RBFOX1: variants seen among roughly 807,000 people sequenced by gnomAD.
The protein encoded by RBFOX1 is RNA binding protein fox-1 homolog 1.
Under a neutral mutation model 57.7 loss-of-function variants are expected in RBFOX1, and 8 were observed. The observed-to-expected ratio is 0.14, with a 90% CI of 0.08 to 0.25. The LOEUF is 0.25. Ranked by LOEUF, RBFOX1 falls within the 10% of genes least tolerant of loss-of-function variation. The probability of loss-of-function intolerance (pLI) is 1.00; values close to 1 mark genes in which losing one functional copy is unlikely to be tolerated. For synonymous variants in RBFOX1, 326 were observed against 222.4 expected, an observed-to-expected ratio of 1.47 and a Z score of -4.15; for missense variants, 611 against 548.5, an observed-to-expected ratio of 1.11 and a Z score of -1.14.
At chr16:6,865,822 C>G (rs2059815530) in intron 3 of RBFOX1, among the ~76,000 whole-genome samples, 2 of 152,106 alleles carry the variant, frequency 1.3e-5, no homozygotes. Flanking sequence ...GGAGAATTTT[C>G]AGGTACAATT....
chr16:7,315,468 A>T (rs978790952), intron 4 of RBFOX1, among the ~76,000 whole-genome samples: 2 of 134,302 alleles, frequency 1.5e-5, no homozygotes, highest in African/African-American at 5.3e-5. Flanking sequence ...CCCCCCCCCC[A>T]TACTGGGGGC....
At chr16:5,294,792 A>C (rs2063622054) in intron 1 of RBFOX1, among the ~76,000 whole-genome samples, 1 of 151,954 alleles carries the variant, frequency 6.6e-6, no homozygotes, top group African/African-American at 2.4e-5. Context: ...GCACTTTGGG[A>C]GGCCGAGGTA....
chr16:7,198,351 C>G (rs1235493317), intron 4 of RBFOX1, among the ~76,000 whole-genome samples: 1 of 152,124 alleles, frequency 6.6e-6, no homozygotes, highest in Non-Finnish European at 1.5e-5. Context: ...TGTTTTGAAA[C>G]TAGACAGAGG....
chr16:5,984,949 TATATA>T (rs2060251452), intron 4 of RBFOX1, among the ~76,000 whole-genome samples: 2 of 48,924 alleles, frequency 4.1e-5, no homozygotes, highest in South Asian at 1.9e-3. Flanking sequence ...AACTCCATTA[TATATA>T]TATATATATA....
At chr16:6,565,116 ACT>A (rs1426225767) in intron 2 of RBFOX1, among the ~76,000 whole-genome samples, 2 of 126,096 alleles carry the variant, frequency 1.6e-5, no homozygotes, top group African/African-American at 6.0e-5. Flanking sequence ...GGGTGGGGAG[ACT>A]CTGTCTCCAA....
chr16:5,583,768 T>G (rs557962759), intron 2 of RBFOX1, among the ~76,000 whole-genome samples: 1 of 152,322 alleles, frequency 6.6e-6, no homozygotes, highest in African/African-American at 2.4e-5. Context: ...CCCCATCTTA[T>G]AGAGGGGAAA....
At chr16:5,698,371 TAGAC>T (rs2050914818) in intron 3 of RBFOX1, among the ~76,000 whole-genome samples, 1 of 152,206 alleles carries the variant, frequency 6.6e-6, no homozygotes. Context: ...GTATATTAGA[TAGAC>T]AAGGCAACTT....
At chr16:6,468,604 C>A (rs946592351) in intron 2 of RBFOX1, among the ~76,000 whole-genome samples, 1 of 151,466 alleles carries the variant, frequency 6.6e-6, no homozygotes, top group Non-Finnish European at 1.5e-5. Context: ...TGTTAAGTAG[C>A]CCTTAAATGA....
intron 7 of RBFOX1, among the ~76,000 whole-genome samples, chr16:7,591,394 G>A (rs1001510482): frequency 4.6e-5 from 7 of 152,052 alleles, no homozygotes; most frequent in Non-Finnish European, 1.0e-4. Context: ...CTTTATTTAA[G>A]TCTTTAACAT....
intron 3 of RBFOX1, among the ~76,000 whole-genome samples, chr16:6,884,371 C>T (rs1000509012): frequency 3.3e-5 from 5 of 152,278 alleles, no homozygotes; most frequent in Admixed American, 3.3e-4. Flanking sequence ...ACAACAGTTG[C>T]TCTGCCCTCA....
chr16:7,652,005 T>G (rs1473300097), intron 11 of RBFOX1, among the ~76,000 whole-genome samples: 1 of 151,538 alleles, frequency 6.6e-6, no homozygotes, highest in Non-Finnish European at 1.5e-5. Context: ...GAGTTAGGAT[T>G]TGCATGAGAA....
intron 3 of RBFOX1, among the ~76,000 whole-genome samples, chr16:5,747,478 C>T (rs1354237402): frequency 6.6e-6 from 1 of 152,092 alleles, no homozygotes; most frequent in Non-Finnish European, 1.5e-5. Context: ...CCTTCTTGTA[C>T]CTCTGGTAGA....
rs146896762 is a variant in RBFOX1, at chr16:5,341,366, G to C, written c.219+101261G>C. Among the ~76,000 whole-genome samples, 504 of 152,278 alleles carry C rather than the reference G, an allele frequency of 3.3e-3. 1 individual carries two copies. Among genetic ancestry groups the C allele is most frequent in the Non-Finnish European group, 4.7e-3 (317 of 68,026 alleles). ...TGGTGAGAGGCAAGAGAGAAACAGGGAATCCATCTGGCCCAATTATACTAG... is the reference window on the plus strand; with the variant it reads ...TGGTGAGAGGCAAGAGAGAAACAGGCAATCCATCTGGCCCAATTATACTAG... On this transcript the variant is annotated intron_variant, in intron 1 of 2. Transcript: ENST00000585867.
At position 5,265,881 on chromosome 16, in the gene RBFOX1, C is replaced by T. The variant is rs561224621; in HGVS notation, c.219+25776C>T. Among the ~76,000 whole-genome samples, 12 of 152,176 alleles carry T rather than the reference C, an allele frequency of 7.9e-5. No individual in the cohort carries two copies. The East Asian group carries it at 1.5e-3, about 20-fold the overall frequency. ...TGGGTGGATGTCTGCATGTAAATGG[C>T]GGTGTATACCTGTGTGGGTGTGTAC... On this transcript the variant is annotated intron_variant, in intron 1 of 2. Transcript: ENST00000585867.
rs1027885075 is a variant in RBFOX1 at position 6,658,025 on chromosome 16, A to G, written c.-16+3375A>G. Among the ~76,000 whole-genome samples, 8 of 152,094 alleles carry G rather than the reference A, an allele frequency of 5.3e-5. No individual in the cohort carries two copies. The East Asian group carries it at 1.4e-3, about 26-fold the overall frequency. ...TGTACCTCGATTTATAGCTATGTATATTGTTGAATATCTTCTTGATAGAAG... is the reference window on the plus strand; with the variant it reads ...TGTACCTCGATTTATAGCTATGTATGTTGTTGAATATCTTCTTGATAGAAG... On this transcript the variant is annotated intron_variant, in intron 3 of 15. Transcript: ENST00000550418.
intron 4 of RBFOX1, among the ~76,000 whole-genome samples, chr16:7,498,498 G>C (rs1367806101): frequency 6.6e-6 from 1 of 151,948 alleles, no homozygotes; most frequent in Non-Finnish European, 1.5e-5. Flanking sequence ...CAAAATGCGT[G>C]ATTTTAATTT....
At chr16:6,540,845 C>G (rs1004753327) in intron 2 of RBFOX1, among the ~76,000 whole-genome samples, 2 of 152,076 alleles carry the variant, frequency 1.3e-5, no homozygotes, top group African/African-American at 4.8e-5. Flanking sequence ...CAGTGGATTA[C>G]TTTATCTCAG....
chr16:6,953,191 T>C (rs985377622), intron 3 of RBFOX1, among the ~76,000 whole-genome samples: 5 of 152,142 alleles, frequency 3.3e-5, no homozygotes, highest in African/African-American at 1.2e-4. Flanking sequence ...TATATTTTGC[T>C]AAGCTGGGTA....
rs145547448 is a variant in RBFOX1 at position 5,457,435 on chromosome 16, C to G, written c.220-9781C>G. On this transcript the variant is annotated intron_variant, in intron 1 of 2. Coordinates refer to the RBFOX1 transcript ENST00000585867. Reference sequence around the variant, plus strand: ...CAAGTGTGAGCCCCTGCACCCAGCCCATCTATCTCTTTTTATAAGAGCACT... The same window carrying G: ...CAAGTGTGAGCCCCTGCACCCAGCCGATCTATCTCTTTTTATAAGAGCACT... 2.6e-5 allele frequency among the ~76,000 whole-genome samples: 4 copies of G among 152,248 alleles called. No homozygotes were observed. In the East Asian group the frequency reaches 7.7e-4, roughly 29 times the overall value.
Sources: allele counts gnomAD v4.1 joint callset (sites outside exome capture counted in the v4.1 genomes callset), GRCh38; gene constraint gnomAD v4.1.1; transcripts MANE v1.5; gene names NCBI Gene and HGNC (gene_info 2026-07-23, HGNC 2026-07-21).